The following RNF38 variants were observed in gnomAD, a reference collection of about 807,000 sequenced individuals.
The protein encoded by RNF38 is ring finger protein 38, also known as E3 ubiquitin-protein ligase RNF38.
Under a neutral mutation model 67.2 loss-of-function variants are expected in RNF38, and 15 were observed. The observed-to-expected ratio is 0.22, with a 90% CI of 0.15 to 0.34. The LOEUF is 0.34. Among genes scored for constraint, RNF38 ranks in the 10% least tolerant of loss-of-function variants. RNF38 has a pLI of 1.00. For missense variants in RNF38, 524 were observed against 639.9 expected (o/e 0.82, Z 1.95); for synonymous variants, 220 against 218.8 (o/e 1.01, Z -0.05).
intron 1 of RNF38, among the ~76,000 whole-genome samples, chr9:36,485,304 G>GTATATATGTATATATATATATATA (rs1840379213): frequency 6.7e-6 from 1 of 150,276 alleles, no homozygotes; most frequent in African/African-American, 2.5e-5. Flanking sequence ...ATCTCTTAGG[G>GTATATATGTATATATATATATATA]TATATATACA....
At chr9:36,342,563 G>GA (rs1331355614) in intron 10 of RNF38, 139 bp from the exon 11 acceptor site, 2 of 614,686 alleles carry the variant, frequency 3.3e-6, no homozygotes, top group Non-Finnish European at 5.7e-6. Flanking sequence ...CCAATACCCT[G>GA]AAAAAATTGT....
chr9:36,369,243 T>C (rs1587527944), intron 4 of RNF38, among the ~76,000 whole-genome samples: 1 of 152,300 alleles, frequency 6.6e-6, no homozygotes, highest in South Asian at 2.1e-4. Context: ...CCTTGATCCT[T>C]TTTTTTAATT....
intron 4 of RNF38, among the ~76,000 whole-genome samples, chr9:36,367,818 A>C (rs781280551): frequency 2.6e-5 from 4 of 152,196 alleles, no homozygotes; most frequent in Admixed American, 6.5e-5. Flanking sequence ...TTTAAATTCG[A>C]ATTACCAGTT....
intron 2 of RNF38, among the ~76,000 whole-genome samples, chr9:36,406,611 T>C (rs1029608053): frequency 1.3e-5 from 2 of 152,230 alleles, no homozygotes; most frequent in African/African-American, 2.4e-5. Flanking sequence ...GGCAAGGGGT[T>C]AGCACATACC....
intron 2 of RNF38, among the ~76,000 whole-genome samples, chr9:36,377,279 T>C (rs2133867861): frequency 6.6e-6 from 1 of 152,352 alleles, no homozygotes; most frequent in South Asian, 2.1e-4. Flanking sequence ...GGCATTACAG[T>C]ACTTTTGGTT....
At chr9:36,486,826 C>T (rs1840424834) in intron 1 of RNF38, among the ~76,000 whole-genome samples, 1 of 152,112 alleles carries the variant, frequency 6.6e-6, no homozygotes, top group Non-Finnish European at 1.5e-5. Context: ...CCAAACCAGC[C>T]CAAAAAGGGC....
chr9:36,438,334 G>A (rs1462368991), intron 1 of RNF38, among the ~76,000 whole-genome samples: 1 of 151,964 alleles, frequency 6.6e-6, no homozygotes, highest in African/African-American at 2.4e-5. Flanking sequence ...GTGACCCATG[G>A]GCTGCATGCA....
intron 2 of RNF38, among the ~76,000 whole-genome samples, chr9:36,378,643 T>TA: frequency 6.6e-6 from 1 of 152,284 alleles, no homozygotes; most frequent in Admixed American, 6.5e-5. Flanking sequence ...ATGCTACAGA[T>TA]ACTCACGATA....
chr9:36,402,175 A>G (rs1235475390), upstream of RNF38, among the ~76,000 whole-genome samples: 1 of 152,198 alleles, frequency 6.6e-6, no homozygotes, highest in African/African-American at 2.4e-5. Context: ...ATAACATCAT[A>G]GGTTTTGGAA....
intron 1 of RNF38, among the ~76,000 whole-genome samples, chr9:36,440,519 G>A (rs10814388): frequency 0.057 from 8,472 of 148,972 alleles, 370 homozygotes; most frequent in East Asian, 0.14. Flanking sequence ...CAACAAGAGC[G>A]AAACTCCATC....
intron 9 of RNF38, among the ~76,000 whole-genome samples, chr9:36,349,365 T>TTTCCCTGATTGCAATGTTGAGCACC (rs1259183229): frequency 1.6e-4 from 25 of 152,358 alleles, no homozygotes; most frequent in Non-Finnish European, 2.2e-4. Context: ...TTGATTTACA[T>TTTCCCTGATTGCAATGTTGAGCACC]TTCCCTGATT....
At position 36,451,503 on chromosome 9, in the gene RNF38, T is replaced by TGTTTGTTTGTTTG. The variant is rs1156938010; in HGVS notation, n.242-26821_242-26820insCAAACAAACAAAC. ...AAAAATTGTAGTAGTTTTTTTTTTT[T>TGTTTGTTTGTTTG]TTTTTTTTTTTTTTGAGACGGAGTT... is the stretch of plus-strand genomic sequence containing the variant. On this transcript the variant is annotated intron_variant and non_coding_transcript_variant, in intron 1 of 3. Coordinates refer to the RNF38 transcript ENST00000488058. Among the ~76,000 whole-genome samples, 975 of 137,676 alleles carry TGTTTGTTTGTTTG rather than the reference T, an allele frequency of 7.1e-3. 23 individuals carry two copies. Among genetic ancestry groups the TGTTTGTTTGTTTG allele is most frequent in the African/African-American group, 0.025 (913 of 36,072 alleles). 90.3% of individuals were successfully genotyped at this position (137,676 alleles called of 152,430 possible). A position where few individuals can be genotyped will look rare whatever the true frequency, so the allele number is the denominator to read the frequency against.
intron 2 of RNF38, among the ~76,000 whole-genome samples, chr9:36,420,400 C>G (rs997205485): frequency 6.6e-6 from 1 of 151,806 alleles, no homozygotes; most frequent in African/African-American, 2.4e-5. Context: ...GGCGTGGTGA[C>G]AGGCACCTGT....
intron 2 of RNF38, among the ~76,000 whole-genome samples, chr9:36,381,028 C>T (rs191244535): frequency 1.2e-4 from 18 of 152,278 alleles, no homozygotes; most frequent in East Asian, 3.9e-4. Context: ...GAGAAGGAAA[C>T]GTCAATAAGG....
intron 1 of RNF38, among the ~76,000 whole-genome samples, chr9:36,461,776 G>C (rs1839738741): frequency 6.8e-6 from 1 of 147,266 alleles, no homozygotes; most frequent in Non-Finnish European, 1.5e-5. Flanking sequence ...TAGATTCCTG[G>C]TTTAAGCATT....
chr9:36,394,578 A>C (rs890174146), intron 1 of RNF38, among the ~76,000 whole-genome samples: 3 of 152,230 alleles, frequency 2.0e-5, no homozygotes, highest in Non-Finnish European at 4.4e-5. Context: ...TAAAGCCTCA[A>C]TCTGGTAACA....
intron 8 of RNF38, among the ~76,000 whole-genome samples, chr9:36,351,870 G>A (rs1833713883): frequency 6.6e-6 from 1 of 152,166 alleles, no homozygotes; most frequent in African/African-American, 2.4e-5. Context: ...TTTGCTAGGT[G>A]GAATGTCATA....
intron 1 of RNF38, among the ~76,000 whole-genome samples, chr9:36,451,499 T>TTTTGTTTG (rs1564068027): frequency 7.5e-6 from 1 of 134,132 alleles, no homozygotes. Flanking sequence ...TAGTTTTTTT[T>TTTTGTTTG]TTTTTTTTTT....
chr9:36,400,641 C>T (rs1212070765), upstream of RNF38: 19 of 985,640 alleles, frequency 1.9e-5, no homozygotes, highest in Non-Finnish European at 2.0e-5. Context: ...GCCCAGCCCG[C>T]GGCCAGCTCG....
Sources: gnomAD v4.1 joint callset for allele counts (sites outside exome capture counted in the v4.1 genomes callset) on GRCh38, gnomAD v4.1.1 for gene constraint, MANE v1.5 for transcripts, NCBI Gene and HGNC (gene_info 2026-07-23, HGNC 2026-07-21) for gene names.